MSRA: variants seen among roughly 807,000 people sequenced by gnomAD.
MSRA encodes mitochondrial peptide methionine sulfoxide reductase.
Under a neutral mutation model 31.3 loss-of-function variants are expected in MSRA, and 54 were observed. That is an observed-to-expected ratio of 1.73 (90% CI 1.39 to 2.17). MSRA has a LOEUF of 2.17. Among genes scored for constraint, MSRA ranks in the 30% most tolerant of loss-of-function variants. MSRA has a pLI of 0.00. For synonymous variants in MSRA, 169 were observed against 116.5 expected (o/e 1.45, Z -2.90); for missense variants, 507 against 300.9 (o/e 1.69, Z -5.07).
At chr8:10,067,734 C>T (rs1298243975) in intron 1 of MSRA, among the ~76,000 whole-genome samples, 1 of 152,138 alleles carries the variant, frequency 6.6e-6, no homozygotes, top group Non-Finnish European at 1.5e-5. Context: ...AGTGGGATCT[C>T]ATTGTTTTAA....
intron 1 of MSRA, among the ~76,000 whole-genome samples, chr8:10,155,615 A>T (rs1178762296): frequency 6.6e-6 from 1 of 152,166 alleles, no homozygotes; most frequent in Non-Finnish European, 1.5e-5. Flanking sequence ...GAGATCCTTT[A>T]TTGCACCAAA....
chr8:10,327,763 C>G (rs1466044894), intron 5 of MSRA, among the ~76,000 whole-genome samples: 2 of 152,182 alleles, frequency 1.3e-5, no homozygotes, highest in Non-Finnish European at 2.9e-5. Context: ...GAAACCCCGT[C>G]TCTACTAAAA....
At chr8:10,249,843 C>T (rs1797826089) in intron 3 of MSRA, among the ~76,000 whole-genome samples, 1 of 152,190 alleles carries the variant, frequency 6.6e-6, no homozygotes, top group Non-Finnish European at 1.5e-5. Flanking sequence ...ACAAGCTCAG[C>T]ATCTGGCTGG....
At chr8:10,283,137 C>G (rs1385227842) in intron 3 of MSRA, among the ~76,000 whole-genome samples, 1 of 139,706 alleles carries the variant, frequency 7.2e-6, no homozygotes, top group Non-Finnish European at 1.6e-5. Flanking sequence ...ATTACACACA[C>G]ACACACACAC....
chr8:10,410,072 A>G (rs1424873215), intron 5 of MSRA, among the ~76,000 whole-genome samples: 2 of 152,174 alleles, frequency 1.3e-5, no homozygotes, highest in East Asian at 3.9e-4. Context: ...ATTTTTAAAG[A>G]TATTTCTTCG....
At chr8:10,168,928 G>A (rs1805369175) in intron 1 of MSRA, among the ~76,000 whole-genome samples, 1 of 152,166 alleles carries the variant, frequency 6.6e-6, no homozygotes, top group African/African-American at 2.4e-5. Context: ...TCAGGCATGT[G>A]TAGATACTCA....
chr8:10,252,696 A>G (rs1797979739), intron 3 of MSRA, among the ~76,000 whole-genome samples: 1 of 152,206 alleles, frequency 6.6e-6, no homozygotes, highest in Non-Finnish European at 1.5e-5. Context: ...GTGGACTGCA[A>G]ATTGATTTGT....
At chr8:10,422,498 G>T (rs940462384) in intron 5 of MSRA, among the ~76,000 whole-genome samples, 1 of 152,174 alleles carries the variant, frequency 6.6e-6, no homozygotes, top group African/African-American at 2.4e-5. Context: ...TCTGTTAGGT[G>T]ACCTTCCAGA....
At chr8:10,401,894 G>A (rs1250779446) in intron 5 of MSRA, among the ~76,000 whole-genome samples, 1 of 152,146 alleles carries the variant, frequency 6.6e-6, no homozygotes, top group Non-Finnish European at 1.5e-5. Flanking sequence ...AGGTTCCCAG[G>A]GGCTGAGGAA....
chr8:10,363,911 A>G (rs28402777), intron 5 of MSRA, among the ~76,000 whole-genome samples: 22,691 of 152,118 alleles, frequency 0.15, 1,973 homozygotes, highest in African/African-American at 0.24. Flanking sequence ...AGCCTGGGCT[A>G]CAAAGTAAGA....
At chr8:10,069,110 G>A (rs186366582) in intron 1 of MSRA, among the ~76,000 whole-genome samples, 13 of 152,250 alleles carry the variant, frequency 8.5e-5, no homozygotes, top group Admixed American at 2.6e-4. Context: ...ATTGACTTTC[G>A]TATATTAATC....
chr8:10,088,254 C>A (rs542276929), intron 1 of MSRA, among the ~76,000 whole-genome samples: 5 of 152,114 alleles, frequency 3.3e-5, no homozygotes, highest in African/African-American at 1.2e-4. Flanking sequence ...TTGGTATAGC[C>A]ATTATGGAAA....
intron 5 of MSRA, among the ~76,000 whole-genome samples, chr8:10,395,692 C>T (rs1807053553): frequency 6.6e-6 from 1 of 152,142 alleles, no homozygotes; most frequent in African/African-American, 2.4e-5. Context: ...GTCTGCACAT[C>T]CATTGACCCT....
At chr8:10,331,303 C>A (rs958775218) in intron 5 of MSRA, among the ~76,000 whole-genome samples, 2 of 152,240 alleles carry the variant, frequency 1.3e-5, no homozygotes, top group Non-Finnish European at 2.9e-5. Flanking sequence ...AGGAGAACAA[C>A]TGGCTGGAGC....
intron 4 of MSRA, among the ~76,000 whole-genome samples, chr8:10,314,302 G>A (rs1585440110): frequency 6.6e-6 from 1 of 151,998 alleles, no homozygotes; most frequent in South Asian, 2.1e-4. Context: ...ATAAAAAATA[G>A]ACTTAAATGT....
intron 5 of MSRA, among the ~76,000 whole-genome samples, chr8:10,331,545 C>T (rs974748903): frequency 5.9e-5 from 9 of 152,130 alleles, no homozygotes; most frequent in Non-Finnish European, 1.0e-4. Flanking sequence ...CCCAACATGA[C>T]CCCCATAGTA....
chr8:10,084,869 G>A (rs1002211994), intron 1 of MSRA, among the ~76,000 whole-genome samples: 1 of 148,734 alleles, frequency 6.7e-6, no homozygotes, highest in Non-Finnish European at 1.5e-5. Context: ...TAAGTCTCGA[G>A]TTTAGAGGTA....
At chr8:10,382,885 T>G (rs557394451) in intron 5 of MSRA, among the ~76,000 whole-genome samples, 4 of 152,274 alleles carry the variant, frequency 2.6e-5, no homozygotes, top group African/African-American at 7.2e-5. Flanking sequence ...ATAATACTCT[T>G]CACCCTCCAC....
intron 3 of MSRA, among the ~76,000 whole-genome samples, chr8:10,255,179 G>A (rs1798111880): frequency 6.6e-6 from 1 of 152,198 alleles, no homozygotes; most frequent in African/African-American, 2.4e-5. Context: ...TTAACTTTGG[G>A]CTGAAACACG....
Sources: allele counts gnomAD v4.1 joint callset (sites outside exome capture counted in the v4.1 genomes callset), GRCh38; gene constraint gnomAD v4.1.1; transcripts MANE v1.5; gene names NCBI Gene and HGNC (gene_info 2026-07-23, HGNC 2026-07-21).